Variants in PARS2 observed in about 807,000 individuals in gnomAD.
The protein encoded by PARS2 is prolyl-tRNA synthetase 2, mitochondrial.
PARS2 carries 20 observed loss-of-function variants against 27.4 expected under a neutral mutation model. That is an observed-to-expected ratio of 0.73 (90% CI 0.51 to 1.06). The LOEUF (loss-of-function observed/expected upper bound fraction) is 1.06. Among genes scored for constraint, PARS2 ranks in the 50% least tolerant of loss-of-function variants. PARS2 has a pLI of 0.00. For synonymous variants in PARS2, 240 were observed against 247.1 expected, an observed-to-expected ratio of 0.97 and a Z score of 0.27; for missense variants, 585 against 602.1, an observed-to-expected ratio of 0.97 and a Z score of 0.30.
chr1:54,762,064 A>C (rs1646160381), intron 1 of PARS2, among the ~76,000 whole-genome samples: 1 of 151,872 alleles, frequency 6.6e-6, no homozygotes. Flanking sequence ...TAGCCCCTCA[A>C]TACCACTTGC....
In PARS2 at chr1:54,757,857, G is replaced by A. The variant is rs377607062; in HGVS notation, c.1305C>T (p.Ile435=). Residue 435 remains isoleucine (I), a synonymous_variant, in exon 2 of 2, where the codon ATC becomes ATT. Transcript: ENST00000371279. The part of the protein sequence containing the change: ...ANKFGYPFVI[I]AGKRALEDPA... Reference sequence around the variant, plus strand: ...GGTCCTCCAGGGCCCTCTTGCCAGCGATTATCACAAAGGGGTAGCCAAACT... The same window carrying A: ...GGTCCTCCAGGGCCCTCTTGCCAGCAATTATCACAAAGGGGTAGCCAAACT... 375 of 1,614,058 alleles carry A rather than the reference G, an allele frequency of 2.3e-4. No individual in the cohort carries two copies. The highest frequency in any genetic ancestry group is 2.8e-4 in the Non-Finnish European group (332 of 1,180,030).
chr1:54,757,648 A>C lies in PARS2; in HGVS notation c.*86T>G, dbSNP rs1031755827. ...CATGAGCTGTGCTGTTTCTGGAGAG[A>C]GCAGTCCAGGAAAGGGGTGTAGGAA... On this transcript the variant is annotated 3_prime_UTR_variant, in exon 2 of 2. Transcript: ENST00000371279. 4 of 810,698 alleles carry C rather than the reference A, an allele frequency of 4.9e-6. No homozygotes were observed. In the South Asian group the frequency reaches 5.2e-5, roughly 11 times the overall value. 50.2% of individuals were successfully genotyped at this position (810,698 alleles called of 1,614,324 possible). A position where few individuals can be genotyped will look rare whatever the true frequency, so the allele number is the denominator to read the frequency against.
chr1:54,763,901 T>G (rs994097017), intron 1 of PARS2, among the ~76,000 whole-genome samples: 1 of 152,244 alleles, frequency 6.6e-6, no homozygotes, highest in East Asian at 1.9e-4. Context: ...TTATTATTAT[T>G]ATGCCCAACT....
rs1349338574 is a variant in PARS2 at position 54,757,082 on chromosome 1, A to G, written c.*652T>C. ...TCACACACCTCTCATGGAACCCCCT[A>G]GTGACACCTATAAGGACGTTACAGA... On this transcript the variant is annotated 3_prime_UTR_variant, in exon 2 of 2. Coordinates refer to ENST00000371279, the MANE Select transcript of PARS2 (RefSeq NM_152268.4). 1.3e-5 allele frequency: 2 copies of G among 152,246 alleles called. No individual in the cohort carries two copies. Among genetic ancestry groups the G allele is most frequent in the Non-Finnish European group, 2.9e-5 (2 of 68,054 alleles). 9.4% of individuals were successfully genotyped at this position (152,246 alleles called of 1,614,324 possible).
rs1299312075 is a variant in PARS2, at chr1:54,757,275, G to A, written c.*459C>T. ...TCAGCCCAACTTCTCAGTGGAGAGGGGCTGGCAGGCCTGCTCTCTGGATAG... is the reference window on the plus strand; with the variant it reads ...TCAGCCCAACTTCTCAGTGGAGAGGAGCTGGCAGGCCTGCTCTCTGGATAG... On this transcript the variant is annotated 3_prime_UTR_variant, in exon 2 of 2. Transcript: ENST00000371279. 6.5e-6 allele frequency: 1 copy of A among 153,100 alleles called. No individual in the cohort carries two copies. The highest frequency in any genetic ancestry group is 1.5e-5 in the Non-Finnish European group (1 of 68,750). 9.5% of individuals were successfully genotyped at this position (153,100 alleles called of 1,614,324 possible). A position where few individuals can be genotyped will look rare whatever the true frequency, so the allele number is the denominator to read the frequency against.
At chr1:54,763,350 G>A (rs573665661) in intron 1 of PARS2, among the ~76,000 whole-genome samples, 2 of 152,236 alleles carry the variant, frequency 1.3e-5, no homozygotes, top group African/African-American at 4.8e-5. Flanking sequence ...GGTGTGTACG[G>A]GGGCCAGGAG....
rs759058241 is a variant in PARS2 at position 54,758,048 on chromosome 1, C to T, written c.1114G>A (p.Ala372Thr). Residue 372 changes from alanine (A) to threonine (T), a missense_variant, in exon 2 of 2, where the codon GCC becomes ACC. Physicochemically the swap from Ala to Thr is moderately conservative, Grantham distance 58 (BLOSUM62 0). Coordinates refer to ENST00000371279, the MANE Select transcript of PARS2 (RefSeq NM_152268.4). ...RWPSLLAPYQ[A>T]CLIPPKKGSK... ...CCCTTCTTAGGGGGGATGAGGCAGG[C>T]TTGGTAAGGGGCCAGTAGGCTGGGC... The T allele has an allele frequency of 7.7e-5, 124 of 1,613,820 alleles. No individual in the cohort carries two copies. In the Middle Eastern group the frequency reaches 2.0e-3, roughly 26 times the overall value.
chr1:54,758,241 CA>C lies in PARS2; in HGVS notation c.920del (p.Val307GlyfsTer38), dbSNP rs1646133280. On this transcript the variant is annotated frameshift_variant, in exon 2 of 2. Transcript: ENST00000371279. LOFTEE classifies it high-confidence loss of function. ...GPLTKTKGIE[V>X]GHTFYLGTKY... ...TGGTACCCAGGTAAAATGTGTGCCC[CA>C]CCTCAATGCCTTTGGTTTTAGTCAA... The C allele has an allele frequency of 6.2e-7, 1 of 1,614,056 alleles. No individual in the cohort carries two copies. The highest frequency in any genetic ancestry group is 1.3e-5 in the African/African-American group (1 of 74,910).
At chr1:54,760,662 C>T (rs1160415598) in intron 1 of PARS2, among the ~76,000 whole-genome samples, 4 of 152,214 alleles carry the variant, frequency 2.6e-5, no homozygotes, top group Admixed American at 6.5e-5. Flanking sequence ...CGGCCTCCTG[C>T]TACCCTTAGA....
chr1:54,761,216 C>T (rs1259588986), intron 1 of PARS2, among the ~76,000 whole-genome samples: 2 of 152,160 alleles, frequency 1.3e-5, no homozygotes, highest in African/African-American at 2.4e-5. Context: ...CTCCCCATAC[C>T]CCCAAAGGGC....
In PARS2 at chr1:54,759,207, T is replaced by A; in HGVS notation, c.-29-17A>T. Reference sequence around the variant, plus strand: ...CACAGGCACCTGAGGAAAAATGAGTTGTGTGAGAATGAGCCTCATCCGTGT... The same window carrying A: ...CACAGGCACCTGAGGAAAAATGAGTAGTGTGAGAATGAGCCTCATCCGTGT... On this transcript the variant is annotated splice_polypyrimidine_tract_variant and intron_variant, in intron 1 of 1. Coordinates refer to ENST00000371279, the MANE Select transcript of PARS2 (RefSeq NM_152268.4). 6.9e-7 allele frequency: 1 copy of A among 1,442,432 alleles called. No homozygotes were observed. Among genetic ancestry groups the A allele is most frequent in the Non-Finnish European group, 9.4e-7 (1 of 1,063,856 alleles). The allele number at this position is 1,442,432 out of a possible 1,614,324, so 89.4% of individuals were successfully genotyped here. A position where few individuals can be genotyped will look rare whatever the true frequency, so the allele number is the denominator to read the frequency against.
chr1:54,761,209 C>A (rs1478667166), intron 1 of PARS2, among the ~76,000 whole-genome samples: 2 of 152,138 alleles, frequency 1.3e-5, no homozygotes, highest in Non-Finnish European at 2.9e-5. Context: ...TGTCCCACTC[C>A]CCATACCCCC....
chr1:54,760,358 C>T (rs939884401), intron 1 of PARS2, among the ~76,000 whole-genome samples: 2 of 152,210 alleles, frequency 1.3e-5, no homozygotes, highest in Non-Finnish European at 2.9e-5. Context: ...AAAAGTTGCA[C>T]TTTGCCCAAA....
chr1:54,758,674 G>T lies in PARS2; in HGVS notation c.488C>A (p.Thr163Lys), dbSNP rs756996613. Residue 163 changes from threonine (T) to lysine (K), a missense_variant, in exon 2 of 2, where the codon ACG (threonine) becomes AAG (lysine). Transcript: ENST00000371279. Reference protein sequence around the residue: ...CLGPTHEEAITALIASQKKLS... With the variant: ...CLGPTHEEAIKALIASQKKLS... ...TTTCTTCTGGGAGGCAATTAAGGCC[G>T]TAATGGCTTCCTCGTGAGTTGGTCC... is the stretch of plus-strand genomic sequence containing the variant. The T allele has an allele frequency of 6.2e-7, 1 of 1,614,206 alleles. No homozygotes were observed. Among genetic ancestry groups the T allele is most frequent in the Admixed American group, 1.7e-5 (1 of 60,028 alleles).
chr1:54,762,681 T>A (rs1164747652), intron 1 of PARS2, among the ~76,000 whole-genome samples: 1 of 152,224 alleles, frequency 6.6e-6, no homozygotes, highest in Admixed American at 6.5e-5. Flanking sequence ...ATCTGCAGCA[T>A]TCAGCACAGT....
At position 54,757,610 on chromosome 1, in the gene PARS2, T is replaced by C. The variant is rs1332332765; in HGVS notation, c.*124A>G. ...TAGATAAAAATTGATTTCCCTAACA[T>C]GATCTCACCCTCCATGAGCTGTGCT... On this transcript the variant is annotated 3_prime_UTR_variant, in exon 2 of 2. Coordinates refer to ENST00000371279, the MANE Select transcript of PARS2 (RefSeq NM_152268.4). 9.7e-6 allele frequency: 6 copies of C among 618,634 alleles called. No homozygotes were observed. The highest frequency in any genetic ancestry group is 1.7e-5 in the Non-Finnish European group (6 of 354,280). 38.3% of individuals were successfully genotyped at this position (618,634 alleles called of 1,614,324 possible). A position where few individuals can be genotyped will look rare whatever the true frequency, so the allele number is the denominator to read the frequency against.
Position 54,758,865 on chromosome 1 carries a change from C to T in PARS2, c.297G>A (p.Glu99=). The T allele has an allele frequency of 6.2e-7, 1 of 1,614,244 alleles. No individual in the cohort carries two copies. Among genetic ancestry groups the T allele is most frequent in the Non-Finnish European group, 8.5e-7 (1 of 1,180,044 alleles). Residue 99 remains glutamate (E), a synonymous_variant, in exon 2 of 2, where the codon GAG becomes GAA. Coordinates refer to ENST00000371279, the MANE Select transcript of PARS2 (RefSeq NM_152268.4). ...CCTGGTCTATCACTCGCACGAGCTT[C>T]TCCATGGCACGGACGGTATATGGCA... is the stretch of plus-strand genomic sequence containing the variant. ...HLLPYTVRAM[E]KLVRVIDQEM...
At position 54,759,106 on chromosome 1, in the gene PARS2, C is replaced by G. The variant is rs1369337533; in HGVS notation, c.56G>C (p.Arg19Pro). The G allele has an allele frequency of 6.2e-7, 1 of 1,611,442 alleles. No individual in the cohort carries two copies. The highest frequency in any genetic ancestry group is 8.5e-7 in the Non-Finnish European group (1 of 1,177,998). The change falls in exon 2 of 2, where the codon CGC (arginine) becomes CCC (proline). Residue 19 changes from arginine (R) to proline (P), a missense_variant. Arg to Pro is a moderately radical substitution (Grantham distance 103, BLOSUM62 -2). Coordinates refer to ENST00000371279, the MANE Select transcript of PARS2 (RefSeq NM_152268.4). Reference protein sequence around the residue: ...RALPALATCSRQLSGYVPCRF... With the variant: ...RALPALATCSPQLSGYVPCRF... ...GCAAGGAACATACCCAGAGAGCTGG[C>G]GGCTGCAGGTGGCCAGGGCGGGCAA...
chr1:54,760,330 G>A (rs1646148647), intron 1 of PARS2, among the ~76,000 whole-genome samples: 1 of 152,174 alleles, frequency 6.6e-6, no homozygotes, highest in Non-Finnish European at 1.5e-5. Context: ...AGCACTGCCT[G>A]TCATTGTGAA....
Sources: gnomAD v4.1 joint callset for allele counts (sites outside exome capture counted in the v4.1 genomes callset) on GRCh38, gnomAD v4.1.1 for gene constraint, MANE v1.5 for transcripts, NCBI Gene and HGNC (gene_info 2026-07-23, HGNC 2026-07-21) for gene names.